The following XKR4 variants were observed in gnomAD, a reference collection of about 807,000 sequenced individuals.
XKR4 encodes XK related 4.
XKR4 carries 12 observed loss-of-function variants against 53.9 expected under a neutral mutation model. The observed-to-expected ratio is 0.22, with a 90% confidence interval of 0.14 to 0.36. The LOEUF is 0.36. Ranked by LOEUF, XKR4 falls within the 10% of genes least tolerant of loss-of-function variation. The probability of loss-of-function intolerance (pLI) is 1.00; values close to 1 mark genes in which losing one functional copy is unlikely to be tolerated. For missense variants in XKR4, 799 were observed against 859.5 expected (o/e 0.93, Z 0.88); for synonymous variants, 354 against 362.4 (o/e 0.98, Z 0.26).
chr8:55,302,176 G>A (rs1349316334), intron 1 of XKR4, among the ~76,000 whole-genome samples: 2 of 152,124 alleles, frequency 1.3e-5, no homozygotes, highest in Admixed American at 6.5e-5. Context: ...TTTTGTATAA[G>A]GTGTAAGGAA....
chr8:55,290,799 G>A (rs927406922), intron 1 of XKR4, among the ~76,000 whole-genome samples: 1 of 151,992 alleles, frequency 6.6e-6, no homozygotes, highest in Non-Finnish European at 1.5e-5. Context: ...TGTAAAATAT[G>A]TGGTTTTAAA....
At chr8:55,210,238 C>G (rs922039963) in intron 1 of XKR4, among the ~76,000 whole-genome samples, 1 of 152,190 alleles carries the variant, frequency 6.6e-6, no homozygotes, top group East Asian at 1.9e-4. Flanking sequence ...GTGCTCGCCA[C>G]CACGCCTGGC....
chr8:55,329,846 T>A (rs1803358189), intron 1 of XKR4, among the ~76,000 whole-genome samples: 1 of 152,184 alleles, frequency 6.6e-6, no homozygotes, highest in Non-Finnish European at 1.5e-5. Flanking sequence ...ATCACCCCAG[T>A]ACATGAGGCA....
intron 2 of XKR4, among the ~76,000 whole-genome samples, chr8:55,510,013 A>G (rs1806603456): frequency 6.6e-6 from 1 of 152,156 alleles, no homozygotes; most frequent in African/African-American, 2.4e-5. Context: ...CTCCCAGCAC[A>G]GTCCTTGGAG....
intron 2 of XKR4, among the ~76,000 whole-genome samples, chr8:55,394,408 C>A (rs1804486876): frequency 1.3e-5 from 2 of 152,072 alleles, no homozygotes; most frequent in Non-Finnish European, 2.9e-5. Context: ...AAGAGCCAAA[C>A]CTCATAGAGC....
chr8:55,168,540 A>T (rs767466695), intron 1 of XKR4, among the ~76,000 whole-genome samples: 2 of 152,190 alleles, frequency 1.3e-5, no homozygotes, highest in Non-Finnish European at 2.9e-5. Context: ...TGTCACTCGC[A>T]TTAAAATGAA....
chr8:55,434,140 T>C lies in XKR4; in HGVS notation c.1006+76263T>C, dbSNP rs533122476. 2.6e-5 allele frequency among the ~76,000 whole-genome samples: 4 copies of C among 152,310 alleles called. 1 individual carries two copies. Among genetic ancestry groups the C allele is most frequent in the Non-Finnish European group, 5.9e-5 (4 of 68,020 alleles). ...TTACTTATTAAAAAATAAGTGCATA[T>C]GTAAAATGTGGAATATGACCACCTA... On this transcript the variant is annotated intron_variant, in intron 2 of 2. Coordinates refer to ENST00000327381, the MANE Select transcript of XKR4 (RefSeq NM_052898.2).
intron 2 of XKR4, among the ~76,000 whole-genome samples, chr8:55,472,506 C>T (rs946613493): frequency 2.6e-5 from 4 of 152,030 alleles, no homozygotes; most frequent in Non-Finnish European, 5.9e-5. Flanking sequence ...CAGAGGGAAA[C>T]GAGACCAGGT....
At chr8:55,371,979 C>G (rs188866752) in intron 2 of XKR4, among the ~76,000 whole-genome samples, 201 of 152,338 alleles carry the variant, frequency 1.3e-3, no homozygotes, top group African/African-American at 4.7e-3. Flanking sequence ...TATTTTTCCA[C>G]TCAGTATTTC....
chr8:55,340,532 T>C (rs539739916), intron 1 of XKR4, among the ~76,000 whole-genome samples: 2 of 152,358 alleles, frequency 1.3e-5, no homozygotes, highest in African/African-American at 4.8e-5. Context: ...CACTGGCTTC[T>C]GCTCACCAAA....
intron 1 of XKR4, among the ~76,000 whole-genome samples, chr8:55,259,174 T>C (rs1255467640): frequency 2.0e-5 from 3 of 152,232 alleles, no homozygotes; most frequent in Non-Finnish European, 4.4e-5. Flanking sequence ...CGGCATCCAC[T>C]GCGCGGGGAC....
At chr8:55,338,027 A>G (rs1803487786) in intron 1 of XKR4, among the ~76,000 whole-genome samples, 1 of 152,248 alleles carries the variant, frequency 6.6e-6, no homozygotes, top group African/African-American at 2.4e-5. Context: ...GATTACAGAA[A>G]TAGGCCAATT....
chr8:55,417,044 T>A (rs1468777069), intron 2 of XKR4, among the ~76,000 whole-genome samples: 1 of 152,116 alleles, frequency 6.6e-6, no homozygotes, highest in Admixed American at 6.6e-5. Context: ...ACCAATTATA[T>A]CAGTACCTCT....
chr8:55,277,369 C>G (rs576167252), intron 1 of XKR4, among the ~76,000 whole-genome samples: 2 of 152,158 alleles, frequency 1.3e-5, no homozygotes, highest in African/African-American at 2.4e-5. Flanking sequence ...TATACACATA[C>G]AAGTTGAGTA....
At chr8:55,144,633 T>C (rs1816746949) in intron 1 of XKR4, among the ~76,000 whole-genome samples, 1 of 151,972 alleles carries the variant, frequency 6.6e-6, no homozygotes. Flanking sequence ...ATAAAACTTG[T>C]AAGTCATAGA....
intron 2 of XKR4, chr8:55,517,128 G>C (rs1465174596): frequency 6.6e-6 from 1 of 152,174 alleles, no homozygotes; most frequent in East Asian, 1.9e-4. Context: ...ACTCCAAAAG[G>C]TGGGAGAGTG....
intron 2 of XKR4, among the ~76,000 whole-genome samples, chr8:55,479,192 A>C (rs1341613814): frequency 6.6e-6 from 1 of 152,122 alleles, no homozygotes; most frequent in African/African-American, 2.4e-5. Flanking sequence ...AAATTATAAC[A>C]AACTGTCTCT....
chr8:55,410,945 C>A (rs1804767741), intron 2 of XKR4, among the ~76,000 whole-genome samples: 1 of 152,170 alleles, frequency 6.6e-6, no homozygotes, highest in Non-Finnish European at 1.5e-5. Flanking sequence ...TGAGCCCCTC[C>A]AGACCCTCAT....
intron 1 of XKR4, among the ~76,000 whole-genome samples, chr8:55,306,712 A>G (rs1396340483): frequency 6.6e-6 from 1 of 152,170 alleles, no homozygotes; most frequent in Non-Finnish European, 1.5e-5. Context: ...GGAATTCAAG[A>G]TGAGATTTGG....
Sources: gnomAD v4.1 joint callset for allele counts (sites outside exome capture counted in the v4.1 genomes callset) on GRCh38, gnomAD v4.1.1 for gene constraint, MANE v1.5 for transcripts, NCBI Gene and HGNC (gene_info 2026-07-23, HGNC 2026-07-21) for gene names.